KIFC2: variants seen among roughly 807,000 people sequenced by gnomAD.
KIFC2 encodes kinesin family member C2.
In KIFC2, 94 loss-of-function variants were observed where a neutral mutation model predicts 91.5. The observed-to-expected ratio is 1.03, with a 90% CI of 0.87 to 1.22. The LOEUF is 1.22. Ranked by LOEUF, KIFC2 falls within the 50% of genes most tolerant of loss-of-function variation. KIFC2 has a pLI of 0.00. For missense variants in KIFC2, 1,357 were observed against 1,103.3 expected (o/e 1.23, Z -3.26); for synonymous variants, 729 against 503.9 (o/e 1.45, Z -5.98).
intron 12 of KIFC2, among the ~76,000 whole-genome samples, chr8:144,470,281 C>T (rs1198016658): frequency 1.3e-5 from 2 of 152,272 alleles, no homozygotes; most frequent in Non-Finnish European, 2.9e-5. Flanking sequence ...TCTTTTCCAA[C>T]CACTTCTTCC....
intron 8 of KIFC2, 59 bp downstream of exon 8, chr8:144,468,465 G>T: frequency 1.3e-6 from 2 of 1,587,030 alleles, no homozygotes; most frequent in South Asian, 2.2e-5. Context: ...GGTTTTGGGA[G>T]GGGCTTATCT....
chr8:144,471,136 G>C (rs989693629), intron 12 of KIFC2, among the ~76,000 whole-genome samples: 1 of 126,234 alleles, frequency 7.9e-6, no homozygotes, highest in Non-Finnish European at 1.8e-5. Context: ...GCTAATTTTT[G>C]TATTTTTAGT....
In KIFC2 at chr8:144,467,967, C is replaced by G; in HGVS notation, c.790C>G (p.Pro264Ala). The change falls in exon 7 of 18, where the codon CCC becomes GCC. Residue 264 changes from proline to alanine, a missense_variant. By Grantham distance (27) the Pro-to-Ala change is conservative (BLOSUM62 -1). Transcript: ENST00000645548. ...CCTCCTGCTGCACTGGGGCCCCGGG[C>G]CCCCCATCAGGGCTCCGCAGGTACT... is the stretch of plus-strand genomic sequence containing the variant. ...RDLLLHWGPG[P>A]PIRAPQEEAE... 6.3e-7 allele frequency: 1 copy of G among 1,582,364 alleles called. No individual in the cohort carries two copies. Among genetic ancestry groups the G allele is most frequent in the African/African-American group, 1.4e-5 (1 of 73,268 alleles).
rs149773474 is a variant in KIFC2 at position 144,469,985 on chromosome 8, C to T, written c.1380+338C>T. 3.2e-4 allele frequency among the ~76,000 whole-genome samples: 48 copies of T among 152,374 alleles called. 1 individual carries two copies. The East Asian group carries it at 9.2e-3, about 29-fold the overall frequency. On this transcript the variant is annotated intron_variant, in intron 12 of 17. Transcript: ENST00000645548. ...GAGGCAACCTTCTAGTCTTAGTGTG[C>T]TCTCTCTGCCTTGCCTGGATCCCAC... is the stretch of plus-strand genomic sequence containing the variant.
intron 12 of KIFC2, among the ~76,000 whole-genome samples, chr8:144,469,934 G>A (rs1014865552): frequency 6.6e-6 from 1 of 152,224 alleles, no homozygotes; most frequent in Non-Finnish European, 1.5e-5. Context: ...CAAGGCAGGC[G>A]GTGGGTGGTG....
At chr8:144,471,456 G>A (rs1824920592) in intron 12 of KIFC2, among the ~76,000 whole-genome samples, 1 of 152,010 alleles carries the variant, frequency 6.6e-6, no homozygotes, top group Admixed American at 6.6e-5. Flanking sequence ...GACCACAGAT[G>A]TGCAACACCA....
rs373237235 is a variant in KIFC2, at chr8:144,467,708, C to G, written c.616-6C>G. On this transcript the variant is annotated splice_region_variant and splice_polypyrimidine_tract_variant and intron_variant, in intron 5 of 17. Coordinates refer to ENST00000645548, the MANE Select transcript of KIFC2 (RefSeq NM_001369769.2). The stretch of plus-strand genomic sequence containing the variant: ...GGTCCACCCTGTCTCTCTTACTTCT[C>G]CCCAGCTGGAGGAGCTGAAGCAGCA... 1.9e-6 allele frequency: 3 copies of G among 1,613,688 alleles called. No homozygotes were observed. The highest frequency in any genetic ancestry group is 3.3e-5 in the Admixed American group (2 of 59,974).
Position 144,473,863 on chromosome 8 carries a change from C to G in KIFC2, c.*474C>G, listed in dbSNP as rs1443764535. On this transcript the variant is annotated 3_prime_UTR_variant, in exon 18 of 18. Coordinates refer to ENST00000645548, the MANE Select transcript of KIFC2 (RefSeq NM_001369769.2). ...TCCAGACAGATGAGAGAGGGCAGGACTTCAGGCTGGATCCACCACTGGGCT... is the reference window on the plus strand; with the variant it reads ...TCCAGACAGATGAGAGAGGGCAGGAGTTCAGGCTGGATCCACCACTGGGCT... 1 of 397,544 alleles carries G rather than the reference C, an allele frequency of 2.5e-6. No homozygotes were observed. The highest frequency in any genetic ancestry group is 2.0e-5 in the African/African-American group (1 of 49,194). The allele number at this position is 397,544 out of a possible 1,614,324, so 24.6% of individuals were successfully genotyped here. A position where few individuals can be genotyped will look rare whatever the true frequency, so the allele number is the denominator to read the frequency against.
chr8:144,472,653 T>C lies in KIFC2; in HGVS notation c.1808T>C (p.Leu603Pro). The C allele has an allele frequency of 6.3e-7, 1 of 1,599,784 alleles. No individual in the cohort carries two copies. The highest frequency in any genetic ancestry group is 8.5e-7 in the Non-Finnish European group (1 of 1,179,170). ...CAGCGCAGCTCCCGCTCGCATGCCC[T>C]GGTCACGCTGACGCTGCGCGCGGCG... ...MNQRSSRSHA[L>P]VTLTLRAASP... The change falls in exon 16 of 18, where the codon CTG (leucine) becomes CCG (proline). Residue 603 changes from leucine (L) to proline (P), a missense_variant. Physicochemically the swap from Leu to Pro is moderately conservative, Grantham distance 98. Transcript: ENST00000645548.
At chr8:144,473,075 G>A in intron 17 of KIFC2, 24 bp downstream of exon 17, 1 of 1,515,870 alleles carries the variant, frequency 6.6e-7, no homozygotes, top group Non-Finnish European at 8.8e-7. Context: ...CGGGGCAGGT[G>A]TGTGCGTGCC....
intron 7 of KIFC2, 80 bp downstream of exon 7, chr8:144,468,067 T>A (rs1586720019): frequency 1.4e-6 from 2 of 1,446,996 alleles, no homozygotes; most frequent in East Asian, 5.0e-5. Context: ...GGCCCGAGCC[T>A]CCTCAGGACC....
rs2129968560 is a variant in KIFC2, at chr8:144,466,956, C to T, written c.179-3C>T. On this transcript the variant is annotated splice_region_variant and splice_polypyrimidine_tract_variant and intron_variant, in intron 2 of 17. Transcript: ENST00000645548. ...GTCTCCCGCCCTCCTCCCTGACCGG[C>T]AGCCAGCTCCGAGCCTGAGGATGGG... 1.9e-6 allele frequency: 3 copies of T among 1,591,116 alleles called. No individual in the cohort carries two copies. The highest frequency in any genetic ancestry group is 2.2e-5 in the East Asian group (1 of 44,476).
chr8:144,466,628 C>T, intron 1 of KIFC2, 110 bp downstream of exon 1: 4 of 903,670 alleles, frequency 4.4e-6, no homozygotes, highest in East Asian at 6.7e-5. Context: ...GGGGCCGTGC[C>T]GAGGACCCTC....
chr8:144,467,216 C>T lies in KIFC2; in HGVS notation c.344C>T (p.Pro115Leu), dbSNP rs1229397782. The T allele has an allele frequency of 9.9e-6, 16 of 1,613,548 alleles. No homozygotes were observed. The highest frequency in any genetic ancestry group is 2.2e-5 in the South Asian group (2 of 91,090). The change falls in exon 4 of 18, where the codon CCC (proline) becomes CTC (leucine). Residue 115 changes from proline to leucine, a missense_variant. By Grantham distance (98) the Pro-to-Leu change is moderately conservative. Coordinates refer to ENST00000645548, the MANE Select transcript of KIFC2 (RefSeq NM_001369769.2). Reference sequence around the variant, plus strand: ...TCTCCTTCGCAGTCTGGCGAGGTCCCCTCACTGTTGACAGTGACCAGTCAG... The same window carrying T: ...TCTCCTTCGCAGTCTGGCGAGGTCCTCTCACTGTTGACAGTGACCAGTCAG... ...PADLGQSGEVPSLLTVTSQLL... is the reference protein window; with the variant it reads ...PADLGQSGEVLSLLTVTSQLL...
Position 144,472,389 on chromosome 8 carries a change from C to T in KIFC2, c.1636C>T (p.Arg546Cys), listed in dbSNP as rs771347354. The part of the protein sequence containing the change: ...RDLLAPGPPE[R>C]LAVRQGPEGQ... ...CCTCCTTGCTCCAGGGCCTCCCGAG[C>T]GCCTGGCCGTGAGGCAGGGCCCAGA... Residue 546 changes from arginine to cysteine, a missense_variant, in exon 15 of 18, where the codon CGC becomes TGC. Arg to Cys is a radical substitution (Grantham distance 180). Coordinates refer to ENST00000645548, the MANE Select transcript of KIFC2 (RefSeq NM_001369769.2). 12 of 1,613,288 alleles carry T rather than the reference C, an allele frequency of 7.4e-6. No individual in the cohort carries two copies. In the East Asian group the frequency reaches 2.5e-4, roughly 33 times the overall value.
chr8:144,466,882 G>C (rs1824668702), intron 2 of KIFC2, 44 bp downstream of exon 2: 1 of 1,540,210 alleles, frequency 6.5e-7, no homozygotes, highest in Non-Finnish European at 8.7e-7. Flanking sequence ...GCGGTGCCGG[G>C]ACCTCCCAGG....
Position 144,466,801 on chromosome 8 carries a change from C to T in KIFC2, c.141C>T (p.Pro47=), listed in dbSNP as rs996608501. The change falls in exon 2 of 18, where the codon CCC becomes CCT. Residue 47 remains proline, a synonymous_variant. Coordinates refer to ENST00000645548, the MANE Select transcript of KIFC2 (RefSeq NM_001369769.2). ...KPRGRRRPDL[P]APELWTELTG... is the part of the protein sequence containing the mutation. ...GGGGTCGCCGGCGCCCAGACCTGCC[C>T]GCGCCAGAGCTGTGGACCGAGCTGA... The T allele has an allele frequency of 8.5e-6, 13 of 1,536,426 alleles. No individual in the cohort carries two copies. Among genetic ancestry groups the T allele is most frequent in the East Asian group, 2.4e-5 (1 of 41,140 alleles).
chr8:144,470,321 C>G (rs897689619), intron 12 of KIFC2, among the ~76,000 whole-genome samples: 6 of 152,254 alleles, frequency 3.9e-5, no homozygotes, highest in Non-Finnish European at 7.3e-5. Flanking sequence ...TGGCCTTAGC[C>G]CCACCCCACA....
rs769026909 is a variant in KIFC2 at position 144,467,282 on chromosome 8, G to A, written c.410G>A (p.Arg137Lys). 2.5e-6 allele frequency: 4 copies of A among 1,613,388 alleles called. No homozygotes were observed. The South Asian group carries it at 4.4e-5, about 18-fold the overall frequency. Residue 137 changes from arginine (R) to lysine (K), a missense_variant, in exon 4 of 18, where the codon AGG (arginine) becomes AAG (lysine). Arg to Lys is a conservative substitution (Grantham distance 26). Coordinates refer to ENST00000645548, the MANE Select transcript of KIFC2 (RefSeq NM_001369769.2). ...LLAWLRSPRG[R>K]QALLQGTQPA... ...GCATGGCTTCGAAGCCCCAGGGGGAGGCAGGCCCTGCTCCAGGGGACTCAG... is the reference window on the plus strand; with the variant it reads ...GCATGGCTTCGAAGCCCCAGGGGGAAGCAGGCCCTGCTCCAGGGGACTCAG...
Sources: allele counts gnomAD v4.1 joint callset (sites outside exome capture counted in the v4.1 genomes callset), GRCh38; gene constraint gnomAD v4.1.1; transcripts MANE v1.5; gene names NCBI Gene and HGNC (gene_info 2026-07-23, HGNC 2026-07-21).